The following BCL2L1 variants were observed in gnomAD, a reference collection of about 807,000 sequenced individuals.
BCL2L1 encodes BCL2 like 1.
Under a neutral mutation model 18.7 loss-of-function variants are expected in BCL2L1, and 1 was observed. The observed-to-expected ratio is 0.05, with a 90% CI of 0.02 to 0.25. The LOEUF (loss-of-function observed/expected upper bound fraction) is 0.25, where lower values mean the gene tolerates loss of function less well. BCL2L1 is among the 10% of genes least tolerant of loss of function. The pLI is 1.00. For missense variants in BCL2L1, 207 were observed against 304.9 expected, an observed-to-expected ratio of 0.68 and a Z score of 2.39; for synonymous variants, 103 against 122.7, an observed-to-expected ratio of 0.84 and a Z score of 1.06.
intron 2 of BCL2L1, among the ~76,000 whole-genome samples, chr20:31,675,378 GATAA>G (rs777815874): frequency 1.1e-4 from 17 of 152,202 alleles, no homozygotes; most frequent in Non-Finnish European, 2.2e-4. Flanking sequence ...GGGAGAGGCT[GATAA>G]ATGTGTGCTG....
chr20:31,703,493 GTTT>G (rs34123351), intron 2 of BCL2L1, among the ~76,000 whole-genome samples: 4 of 133,786 alleles, frequency 3.0e-5, no homozygotes, highest in Non-Finnish European at 3.3e-5. Context: ...CTTGGTGGTT[GTTT>G]TTTTTTTTTT....
At chr20:31,687,732 G>C (rs550766463) in intron 2 of BCL2L1, among the ~76,000 whole-genome samples, 8 of 151,760 alleles carry the variant, frequency 5.3e-5, no homozygotes, top group African/African-American at 1.9e-4. Flanking sequence ...GAGGGAGGCA[G>C]GCAGCTCAGT....
At position 31,697,892 on chromosome 20, in the gene BCL2L1, G is replaced by GTTTTTTTTTTTTTTTT. The variant is rs199575410; in HGVS notation, c.564+23762_564+23763insAAAAAAAAAAAAAAAA. Among the ~76,000 whole-genome samples, 284 of 129,568 alleles carry GTTTTTTTTTTTTTTTT rather than the reference G, an allele frequency of 2.2e-3. 3 individuals are homozygous for GTTTTTTTTTTTTTTTT. The highest frequency in any genetic ancestry group is 0.017 in the Middle Eastern group (4 of 240). 85.0% of individuals were successfully genotyped at this position (129,568 alleles called of 152,430 possible). A position where few individuals can be genotyped will look rare whatever the true frequency, so the allele number is the denominator to read the frequency against. ...AGAATCCTCAGCATGTGCTGTTGCTGTTTTTTTTTTTTTGAGACGGAGTCT... is the reference window on the plus strand; with the variant it reads ...AGAATCCTCAGCATGTGCTGTTGCTGTTTTTTTTTTTTTTTTTTTTTTTTTTTTTGAGACGGAGTCT... On this transcript the variant is annotated intron_variant, in intron 2 of 2. Coordinates refer to ENST00000307677, the MANE Select transcript of BCL2L1 (RefSeq NM_138578.3).
At chr20:31,687,527 A>T (rs1374666411) in intron 2 of BCL2L1, among the ~76,000 whole-genome samples, 1 of 151,798 alleles carries the variant, frequency 6.6e-6, no homozygotes, top group East Asian at 1.9e-4. Context: ...TACAAAAAAA[A>T]ATAGCCGGGT....
intron 2 of BCL2L1, among the ~76,000 whole-genome samples, chr20:31,718,234 G>T (rs2061569446): frequency 6.6e-6 from 1 of 152,118 alleles, no homozygotes; most frequent in Non-Finnish European, 1.5e-5. Flanking sequence ...TCTGGCTAAG[G>T]GTCTACACTT....
At chr20:31,677,159 C>A (rs956213603) in intron 2 of BCL2L1, among the ~76,000 whole-genome samples, 1 of 150,542 alleles carries the variant, frequency 6.6e-6, no homozygotes, top group South Asian at 2.1e-4. Context: ...CTGTAAAATG[C>A]GGATTAAAAA....
rs373119323 is a variant in BCL2L1, at chr20:31,722,203, G to A, written c.16C>T (p.Arg6Trp). 4 of 1,496,724 alleles carry A rather than the reference G, an allele frequency of 2.7e-6. No homozygotes were observed. Among genetic ancestry groups the A allele is most frequent in the East Asian group, 4.6e-5 (2 of 43,842 alleles). 92.7% of individuals were successfully genotyped at this position (1,496,724 alleles called of 1,614,324 possible). ...GAGAGAAAGTCAACCACCAGCTCCC[G>A]GTTGCTCTGAGACATTTTTATAATA... is the stretch of plus-strand genomic sequence containing the variant. MSQSN[R>W]ELVVDFLSYK... Residue 6 changes from arginine (R) to tryptophan (W), a missense_variant, in exon 2 of 3, where the codon CGG (arginine) becomes TGG (tryptophan). Physicochemically the swap from Arg to Trp is moderately radical, Grantham distance 101. Coordinates refer to ENST00000307677, the MANE Select transcript of BCL2L1 (RefSeq NM_138578.3).
chr20:31,688,490 A>G (rs544331558), intron 2 of BCL2L1, among the ~76,000 whole-genome samples: 2 of 151,990 alleles, frequency 1.3e-5, no homozygotes, highest in South Asian at 2.1e-4. Flanking sequence ...AGAAAAGAAA[A>G]GAAAGAAAAA....
chr20:31,688,792 A>T (rs917783698), intron 2 of BCL2L1, among the ~76,000 whole-genome samples: 1 of 152,250 alleles, frequency 6.6e-6, no homozygotes, highest in Non-Finnish European at 1.5e-5. Context: ...GGAACTGGTT[A>T]AAGTATAGAA....
At chr20:31,690,072 C>T (rs868165094) in intron 2 of BCL2L1, among the ~76,000 whole-genome samples, 2 of 152,132 alleles carry the variant, frequency 1.3e-5, no homozygotes, top group Admixed American at 1.3e-4. Context: ...TGGAAATAGT[C>T]CTTGGATATT....
intron 2 of BCL2L1, among the ~76,000 whole-genome samples, chr20:31,688,884 T>C (rs1265595987): frequency 6.6e-6 from 1 of 152,166 alleles, no homozygotes; most frequent in Non-Finnish European, 1.5e-5. Flanking sequence ...TCTTAAGAGA[T>C]ACAACTTTGA....
intron 2 of BCL2L1, among the ~76,000 whole-genome samples, chr20:31,683,582 AAC>A (rs978356288): frequency 6.6e-6 from 1 of 152,072 alleles, no homozygotes; most frequent in African/African-American, 2.4e-5. Flanking sequence ...CAGCCTGGCC[AAC>A]ACAGTGAAAC....
chr20:31,714,468 C>T (rs538492741), intron 2 of BCL2L1, among the ~76,000 whole-genome samples: 5 of 152,278 alleles, frequency 3.3e-5, no homozygotes, highest in African/African-American at 4.8e-5. Context: ...CTCAAGATTC[C>T]GTGAATGGGT....
chr20:31,678,573 G>T (rs2060801121), intron 2 of BCL2L1, among the ~76,000 whole-genome samples: 1 of 152,198 alleles, frequency 6.6e-6, no homozygotes, highest in Non-Finnish European at 1.5e-5. Flanking sequence ...GCAACATTCT[G>T]AAGTAGGAGA....
At chr20:31,669,105 G>A (rs1170660290) in intron 2 of BCL2L1, among the ~76,000 whole-genome samples, 2 of 152,074 alleles carry the variant, frequency 1.3e-5, no homozygotes, top group Middle Eastern at 3.4e-3. Context: ...ACTCAGGTTA[G>A]ACTGTAGTGG....
At chr20:31,689,697 A>G (rs545162420) in intron 2 of BCL2L1, among the ~76,000 whole-genome samples, 1 of 152,266 alleles carries the variant, frequency 6.6e-6, no homozygotes, top group African/African-American at 2.4e-5. Flanking sequence ...GCTCTGAAGA[A>G]TACAAATGGC....
intron 2 of BCL2L1, among the ~76,000 whole-genome samples, chr20:31,703,524 C>T (rs1403357222): frequency 6.9e-6 from 1 of 144,204 alleles, no homozygotes; most frequent in African/African-American, 2.6e-5. Context: ...AAGAGTCTCA[C>T]TCTGTTGCCC....
chr20:31,686,588 C>T (rs1376091333), intron 2 of BCL2L1, among the ~76,000 whole-genome samples: 1 of 152,210 alleles, frequency 6.6e-6, no homozygotes, highest in Non-Finnish European at 1.5e-5. Context: ...CCCCACTTCT[C>T]TGTTTTGTGT....
At chr20:31,688,444 CAA>C (rs11362299) in intron 2 of BCL2L1, among the ~76,000 whole-genome samples, 2,503 of 86,654 alleles carry the variant, frequency 0.029, 61 homozygotes, top group African/African-American at 0.085. Flanking sequence ...ACTCTGTCTC[CAA>C]AAAAAAAAAA....
Sources: allele counts gnomAD v4.1 joint callset (sites outside exome capture counted in the v4.1 genomes callset), GRCh38; gene constraint gnomAD v4.1.1; transcripts MANE v1.5; gene names NCBI Gene and HGNC (gene_info 2026-07-23, HGNC 2026-07-21).